Variants in RAD51B observed in about 807,000 individuals in gnomAD.
RAD51B encodes the protein DNA repair protein RAD51 homolog 2.
RAD51B carries 38 observed loss-of-function variants against 42.2 expected under a neutral mutation model. That is an observed-to-expected ratio of 0.90 (90% CI 0.70 to 1.18). The LOEUF (loss-of-function observed/expected upper bound fraction) is 1.18, where lower values mean the gene tolerates loss of function less well. RAD51B is among the 50% of genes most tolerant of loss of function. The probability of loss-of-function intolerance (pLI) is 0.00; values close to 1 mark genes in which losing one functional copy is unlikely to be tolerated. For missense variants in RAD51B, 373 were observed against 400.7 expected, an observed-to-expected ratio of 0.93 and a Z score of 0.59; for synonymous variants, 154 against 145.2, an observed-to-expected ratio of 1.06 and a Z score of -0.43.
intron 9 of RAD51B, among the ~76,000 whole-genome samples, chr14:68,453,492 A>G (rs1367782596): frequency 1.3e-5 from 2 of 152,218 alleles, no homozygotes; most frequent in African/African-American, 4.8e-5. Flanking sequence ...TATGAAATAT[A>G]TGAAGTAGCT....
chr14:68,661,635 A>C (rs2140146435), intron 11 of RAD51B, among the ~76,000 whole-genome samples: 1 of 152,334 alleles, frequency 6.6e-6, no homozygotes, highest in Middle Eastern at 3.4e-3. Flanking sequence ...TGCCCAAGGA[A>C]GTGTTAGCAT....
intron 7 of RAD51B, among the ~76,000 whole-genome samples, chr14:68,081,873 G>T (rs2076917524): frequency 6.6e-6 from 1 of 152,178 alleles, no homozygotes; most frequent in South Asian, 2.1e-4. Flanking sequence ...CATATTGACA[G>T]AATTTACTGA....
At chr14:67,886,169 TA>T in intron 6 of RAD51B, among the ~76,000 whole-genome samples, 181 bp downstream of exon 6, 1 of 152,320 alleles carries the variant, frequency 6.6e-6, no homozygotes, top group East Asian at 1.9e-4. Flanking sequence ...CAAAAAAAAT[TA>T]AATGAATAAA....
chr14:68,624,736 C>T (rs989927941), intron 10 of RAD51B, among the ~76,000 whole-genome samples: 12 of 152,162 alleles, frequency 7.9e-5, no homozygotes, highest in African/African-American at 1.4e-4. Context: ...ATGACTCCTG[C>T]GCGATCCTCT....
chr14:67,883,593 A>G (rs1054856223), intron 5 of RAD51B, among the ~76,000 whole-genome samples: 1 of 152,150 alleles, frequency 6.6e-6, no homozygotes, highest in Non-Finnish European at 1.5e-5. Context: ...ATGTCACCTT[A>G]TTAATAAGGC....
chr14:68,671,138 C>A (rs1375404556), intron 11 of RAD51B, among the ~76,000 whole-genome samples: 1 of 152,160 alleles, frequency 6.6e-6, no homozygotes, highest in Non-Finnish European at 1.5e-5. Flanking sequence ...TTTGGACTGT[C>A]CAAGGGGCAC....
At chr14:67,880,947 G>C (rs1054204028) in intron 5 of RAD51B, among the ~76,000 whole-genome samples, 1 of 152,106 alleles carries the variant, frequency 6.6e-6, no homozygotes, top group Non-Finnish European at 1.5e-5. Context: ...GCATTGTTAG[G>C]CAATTTCATT....
chr14:68,102,726 TGC>T (rs2077311954), intron 7 of RAD51B, among the ~76,000 whole-genome samples: 1 of 152,222 alleles, frequency 6.6e-6, no homozygotes, highest in Non-Finnish European at 1.5e-5. Flanking sequence ...TTCCAAACCC[TGC>T]TTGTTACCAC....
At chr14:68,550,810 G>C (rs1243233832) in intron 10 of RAD51B, among the ~76,000 whole-genome samples, 2 of 152,208 alleles carry the variant, frequency 1.3e-5, no homozygotes. Flanking sequence ...TGGGGGATGA[G>C]TCCAGGTTTT....
intron 4 of RAD51B, among the ~76,000 whole-genome samples, chr14:67,859,667 A>G (rs1323281496): frequency 6.6e-6 from 1 of 152,208 alleles, no homozygotes; most frequent in East Asian, 1.9e-4. Context: ...TATCTAGAAA[A>G]ATGTCATTAA....
chr14:68,328,518 C>T (rs909551311), intron 8 of RAD51B, among the ~76,000 whole-genome samples: 1 of 152,186 alleles, frequency 6.6e-6, no homozygotes, highest in African/African-American at 2.4e-5. Flanking sequence ...TGAGGAGACA[C>T]TGAGGGAGCT....
chr14:68,575,236 C>T (rs914776227), intron 10 of RAD51B, among the ~76,000 whole-genome samples: 2 of 152,154 alleles, frequency 1.3e-5, no homozygotes, highest in Non-Finnish European at 2.9e-5. Context: ...TATTTATTCC[C>T]AACTGGAAAG....
At position 68,647,484 on chromosome 14, in the gene RAD51B, G is replaced by A. The variant is rs1269426954; in HGVS notation, c.1037-3297G>A. ...GTTTTTTTTAAGTCAGGAAATACTT[G>A]ATTAATTTTATTAAATATAATTTTA... On this transcript the variant is annotated intron_variant, in intron 10 of 11. Transcript: ENST00000488612. 2.0e-5 allele frequency among the ~76,000 whole-genome samples: 3 copies of A among 151,932 alleles called. No homozygotes were observed. In the East Asian group the frequency reaches 5.8e-4, roughly 29 times the overall value.
rs116097718 is a variant in RAD51B at position 67,998,619 on chromosome 14, C to T, written c.756+111415C>T. 3.9e-3 allele frequency among the ~76,000 whole-genome samples: 595 copies of T among 152,208 alleles called. 5 individuals are homozygous for T. The highest frequency in any genetic ancestry group is 0.013 in the African/African-American group (550 of 41,518). On this transcript the variant is annotated intron_variant, in intron 7 of 10. Transcript: ENST00000471583. Reference sequence around the variant, plus strand: ...CATGGCAAAGTTATCTCAGGGTAAACGCTGCAGCCGCAAGTGCCACTGGTG... The same window carrying T: ...CATGGCAAAGTTATCTCAGGGTAAATGCTGCAGCCGCAAGTGCCACTGGTG...
intron 8 of RAD51B, among the ~76,000 whole-genome samples, chr14:68,366,869 G>T (rs993213956): frequency 6.6e-6 from 1 of 152,168 alleles, no homozygotes; most frequent in Non-Finnish European, 1.5e-5. Context: ...GTCATTGGTG[G>T]AACAAAAATT....
intron 8 of RAD51B, among the ~76,000 whole-genome samples, chr14:68,335,296 CAA>C (rs768281887): frequency 2.1e-4 from 9 of 43,162 alleles, no homozygotes; most frequent in Non-Finnish European, 2.9e-4. Context: ...GACCCTGTGT[CAA>C]AAAAAAAAAA....
intron 7 of RAD51B, among the ~76,000 whole-genome samples, chr14:68,147,317 C>T (rs964697435): frequency 4.5e-4 from 69 of 152,128 alleles, no homozygotes; most frequent in Non-Finnish European, 1.2e-4. Flanking sequence ...ATGCTCATAT[C>T]CTCACATTGA....
intron 9 of RAD51B, among the ~76,000 whole-genome samples, chr14:68,457,778 T>TC (rs1435353167): frequency 2.9e-4 from 42 of 147,112 alleles, no homozygotes; most frequent in Non-Finnish European, 4.5e-5. Flanking sequence ...TTTGTATTTT[T>TC]TTTTTTTTTT....
At chr14:67,963,496 ATACT>A (rs1350623228) in intron 7 of RAD51B, among the ~76,000 whole-genome samples, 4 of 152,260 alleles carry the variant, frequency 2.6e-5, no homozygotes, top group East Asian at 1.9e-4. Context: ...AAATGAATAA[ATACT>A]TACGCAGTTT....
Sources: gnomAD v4.1 joint callset for allele counts (sites outside exome capture counted in the v4.1 genomes callset) on GRCh38, gnomAD v4.1.1 for gene constraint, MANE v1.5 for transcripts, NCBI Gene and HGNC (gene_info 2026-07-23, HGNC 2026-07-21) for gene names.